Variants in MCPH1 observed in about 807,000 individuals in gnomAD.
MCPH1 encodes the protein microcephalin.
In MCPH1, 104 loss-of-function variants were observed where a neutral mutation model predicts 84.5. The observed-to-expected ratio is 1.23, with a 90% CI of 1.05 to 1.45. The LOEUF (loss-of-function observed/expected upper bound fraction) is 1.45. Ranked by LOEUF, MCPH1 falls within the 40% of genes most tolerant of loss-of-function variation. MCPH1 has a pLI of 0.00. For synonymous variants in MCPH1, 514 were observed against 366.8 expected (o/e 1.40, Z -4.58); for missense variants, 1,498 against 1,005.7 (o/e 1.49, Z -6.62).
At chr8:6,616,309 G>A (rs973793371) in intron 12 of MCPH1, 1 of 152,156 alleles carries the variant, frequency 6.6e-6, no homozygotes. Flanking sequence ...CAACACCCTG[G>A]GCTGGAGTAA....
intron 12 of MCPH1, among the ~76,000 whole-genome samples, chr8:6,597,829 C>G (rs1182645913): frequency 1.3e-5 from 2 of 152,198 alleles, no homozygotes; most frequent in African/African-American, 4.8e-5. Flanking sequence ...CCTTGGTCCT[C>G]TCCCTCATAA....
At chr8:6,423,261 C>T (rs1007153632) in intron 3 of MCPH1, among the ~76,000 whole-genome samples, 9 of 135,894 alleles carry the variant, frequency 6.6e-5, no homozygotes, top group Non-Finnish European at 1.1e-4. Flanking sequence ...GCAATCTTGG[C>T]TCACTGCATT....
At chr8:6,521,406 G>A (rs1347046860) in intron 12 of MCPH1, 2 of 1,606,434 alleles carry the variant, frequency 1.2e-6, no homozygotes, top group Admixed American at 1.7e-5. Flanking sequence ...TTCTTTTCTA[G>A]GAAACTTGTA....
At chr8:6,421,484 A>G (rs1187137774) in intron 3 of MCPH1, among the ~76,000 whole-genome samples, 1 of 151,998 alleles carries the variant, frequency 6.6e-6, no homozygotes, top group African/African-American at 2.4e-5. Flanking sequence ...CCCCCAGCCA[A>G]ATCCACCCTG....
rs376783320 is a variant in MCPH1 at position 6,547,071 on chromosome 8, G to A, written c.2214+47142G>A. 5.0e-4 allele frequency among the ~76,000 whole-genome samples: 76 copies of A among 152,060 alleles called. 1 individual carries two copies. In the South Asian group the frequency reaches 7.1e-3, roughly 14 times the overall value. The stretch of plus-strand genomic sequence containing the variant: ...TTCCGTGTGTACCGTGGTTGCCTTC[G>A]GGCTAATGCGTTTTTGGAAGTGTAG... On this transcript the variant is annotated intron_variant, in intron 12 of 13. Transcript: ENST00000344683.
intron 11 of MCPH1, among the ~76,000 whole-genome samples, chr8:6,490,611 A>C (rs1810453600): frequency 6.6e-6 from 1 of 152,192 alleles, no homozygotes; most frequent in Non-Finnish European, 1.5e-5. Context: ...ATTTGACGAC[A>C]TTGTACATTT....
At chr8:6,430,282 C>T (rs1315500450) in intron 3 of MCPH1, among the ~76,000 whole-genome samples, 2 of 152,196 alleles carry the variant, frequency 1.3e-5, no homozygotes, top group Non-Finnish European at 2.9e-5. Flanking sequence ...TAATAGAAGA[C>T]AGTTGCCTTC....
intron 12 of MCPH1, chr8:6,500,342 C>G (rs567951128): frequency 5.5e-4 from 89 of 161,440 alleles, no homozygotes; most frequent in Non-Finnish European, 9.4e-4. Context: ...TCCTAAATTC[C>G]ACTTCAACTT....
At chr8:6,440,964 C>T (rs1282997592) in intron 6 of MCPH1, among the ~76,000 whole-genome samples, 1 of 152,200 alleles carries the variant, frequency 6.6e-6, no homozygotes, top group African/African-American at 2.4e-5. Context: ...TCCCATCTTT[C>T]TGTTGTACCT....
At chr8:6,582,779 C>T (rs1586707192) in intron 12 of MCPH1, among the ~76,000 whole-genome samples, 1 of 152,200 alleles carries the variant, frequency 6.6e-6, no homozygotes, top group African/African-American at 2.4e-5. Context: ...CGCTTGGAAA[C>T]TCTACATTTC....
At chr8:6,443,248 C>T (rs1195184904) in intron 7 of MCPH1, among the ~76,000 whole-genome samples, 2 of 152,300 alleles carry the variant, frequency 1.3e-5, no homozygotes, top group East Asian at 3.9e-4. Flanking sequence ...TCTGACATCA[C>T]AGATTACACT....
chr8:6,563,441 C>G (rs2129575974), intron 12 of MCPH1: 1 of 154,008 alleles, frequency 6.5e-6, no homozygotes, highest in South Asian at 2.0e-4. Context: ...CTGGGAAAAA[C>G]CGATCTGTTA....
intron 12 of MCPH1, among the ~76,000 whole-genome samples, chr8:6,577,944 T>C (rs747095342): frequency 1.3e-5 from 2 of 152,202 alleles, no homozygotes; most frequent in Admixed American, 6.5e-5. Context: ...ATGGAGTGTC[T>C]GTGGGGGTAG....
chr8:6,530,589 T>A (rs943114991), intron 12 of MCPH1, among the ~76,000 whole-genome samples: 1 of 151,690 alleles, frequency 6.6e-6, no homozygotes, highest in African/African-American at 2.4e-5. Context: ...TTTAGATATA[T>A]ATTGATATAT....
In MCPH1 at chr8:6,535,613, A is replaced by G. The variant is rs554852469; in HGVS notation, c.2214+35684A>G. On this transcript the variant is annotated intron_variant, in intron 12 of 13. Coordinates refer to ENST00000344683, the MANE Select transcript of MCPH1 (RefSeq NM_024596.5). ...ATATGTATATAGTGTCTATAAATATATACAGCTCTTGAAGCATGTATCATT... is the reference window on the plus strand; with the variant it reads ...ATATGTATATAGTGTCTATAAATATGTACAGCTCTTGAAGCATGTATCATT... Among the ~76,000 whole-genome samples the G allele has an allele frequency of 2.6e-5, 4 of 152,358 alleles. 1 individual carries two copies. The highest frequency in any genetic ancestry group is 9.6e-5 in the African/African-American group (4 of 41,588).
At chr8:6,430,858 G>T (rs1801737228) in intron 3 of MCPH1, among the ~76,000 whole-genome samples, 1 of 152,196 alleles carries the variant, frequency 6.6e-6, no homozygotes, top group African/African-American at 2.4e-5. Context: ...AGTAGGGCAG[G>T]AGATCATTTA....
chr8:6,447,026 C>T (rs1289928285), intron 8 of MCPH1: 12 of 985,112 alleles, frequency 1.2e-5, no homozygotes, highest in African/African-American at 1.7e-5. Context: ...AGGCAGGGCC[C>T]GGGTGCAAGA....
chr8:6,540,674 A>C (rs1294424928), intron 12 of MCPH1, among the ~76,000 whole-genome samples: 4 of 152,270 alleles, frequency 2.6e-5, no homozygotes, highest in Non-Finnish European at 5.9e-5. Context: ...CTCAGTGTGT[A>C]TGTGTGTGTA....
intron 3 of MCPH1, among the ~76,000 whole-genome samples, chr8:6,416,902 G>C (rs1799382821): frequency 6.6e-6 from 1 of 152,006 alleles, no homozygotes; most frequent in African/African-American, 2.4e-5. Context: ...ATTGAGACAG[G>C]AGAATCACTT....
Sources: allele counts gnomAD v4.1 joint callset (sites outside exome capture counted in the v4.1 genomes callset), GRCh38; gene constraint gnomAD v4.1.1; transcripts MANE v1.5; gene names NCBI Gene and HGNC (gene_info 2026-07-23, HGNC 2026-07-21).